Variants in TAF8 observed in about 807,000 individuals in gnomAD.
TAF8 encodes the protein transcription initiation factor TFIID subunit 8.
A neutral mutation model predicts 36.5 loss-of-function variants in TAF8; 47 were observed. The ratio of observed to expected loss-of-function variants is 1.29; its 90% CI spans 1.02 to 1.64. TAF8 has a LOEUF of 1.64. TAF8 is among the 40% of genes most tolerant of loss of function. The pLI is 0.00. For missense variants in TAF8, 420 were observed against 407.6 expected, an observed-to-expected ratio of 1.03 and a Z score of -0.26; for synonymous variants, 175 against 159.5, an observed-to-expected ratio of 1.10 and a Z score of -0.73.
chr6:42,055,640 C>T lies in TAF8; in HGVS notation c.301+11C>T, dbSNP rs764212277. On this transcript the variant is annotated intron_variant, in intron 3 of 8. Transcript: ENST00000372977. ...CACTTGTTGAGATGGGTGAGTATAC[C>T]TTCAGTTTCCAGTTCTTCGATGCAA... 1.2e-6 allele frequency: 2 copies of T among 1,603,702 alleles called. No individual in the cohort carries two copies. The highest frequency in any genetic ancestry group is 4.5e-5 in the East Asian group (2 of 44,850).
rs760496842 is a variant in TAF8, at chr6:42,077,567, G to A, written c.*22G>A. 1.9e-6 allele frequency: 3 copies of A among 1,612,044 alleles called. No individual in the cohort carries two copies. Among genetic ancestry groups the A allele is most frequent in the South Asian group, 1.1e-5 (1 of 90,444 alleles). On this transcript the variant is annotated 3_prime_UTR_variant, in exon 9 of 9. Coordinates refer to ENST00000372977, the MANE Select transcript of TAF8 (RefSeq NM_138572.3). The stretch of plus-strand genomic sequence containing the variant: ...CTGAGCTGAGAAGGAAACCTGGCTT[G>A]TACAGGGGCGCAGATTCCACCCTCC...
intron 5 of TAF8, chr6:42,057,905 C>G: frequency 4.5e-6 from 1 of 223,614 alleles, no homozygotes; most frequent in Non-Finnish European, 8.7e-6. Flanking sequence ...TATTGCCTGT[C>G]CTACTAAAAC....
chr6:42,051,792 C>G, intron 2 of TAF8: 1 of 213,338 alleles, frequency 4.7e-6, no homozygotes, highest in African/African-American at 2.3e-5. Flanking sequence ...GAAACCCCGT[C>G]TCTACTAAAA....
At chr6:42,058,612 C>T (rs1324604649) in intron 5 of TAF8, among the ~76,000 whole-genome samples, 1 of 152,132 alleles carries the variant, frequency 6.6e-6, no homozygotes, top group Non-Finnish European at 1.5e-5. Flanking sequence ...TTTTTCCATA[C>T]CTTAGGGTGG....
At chr6:42,058,660 AGCCCTT>A (rs1222930809) in intron 5 of TAF8, among the ~76,000 whole-genome samples, 1 of 152,180 alleles carries the variant, frequency 6.6e-6, no homozygotes, top group Non-Finnish European at 1.5e-5. Context: ...AATGCAACAT[AGCCCTT>A]GCCCTTGCCC....
rs771108534 is a variant in TAF8, at chr6:42,079,139, ATAAAG to A, written c.*1599_*1603del. On this transcript the variant is annotated 3_prime_UTR_variant, in exon 9 of 9. Transcript: ENST00000372977. ...TCCATTTCAAAAAAATAAAAAAAGG[ATAAAG>A]TAAACAATAGGAAAGGATTTGGTGG... 63 of 982,028 alleles carry A rather than the reference ATAAAG, an allele frequency of 6.4e-5. No homozygotes were observed. The highest frequency in any genetic ancestry group is 7.1e-5 in the Non-Finnish European group (59 of 826,998). The allele number at this position is 982,028 out of a possible 1,614,324, so 60.8% of individuals were successfully genotyped here. A position where few individuals can be genotyped will look rare whatever the true frequency, so the allele number is the denominator to read the frequency against.
Position 42,057,418 on chromosome 6 carries a change from A to G in TAF8, c.394A>G (p.Lys132Glu). ...GGTGACCAATCAGCCAGTGACCCCCAAGGCCCTCACTGCAGGGCAGAACCG... is the reference window on the plus strand; with the variant it reads ...GGTGACCAATCAGCCAGTGACCCCCGAGGCCCTCACTGCAGGGCAGAACCG... Reference protein sequence around the residue: ...PPVTNQPVTPKALTAGQNRPH... With the variant: ...PPVTNQPVTPEALTAGQNRPH... The change falls in exon 5 of 9, where the codon AAG (lysine) becomes GAG (glutamate). Residue 132 changes from lysine (K) to glutamate (E), a missense_variant. By Grantham distance (56) the Lys-to-Glu change is moderately conservative. Transcript: ENST00000372977. The G allele has an allele frequency of 1.2e-6, 2 of 1,614,050 alleles. No homozygotes were observed. The highest frequency in any genetic ancestry group is 1.7e-6 in the Non-Finnish European group (2 of 1,180,010).
chr6:42,074,767 C>T (rs1765688861), intron 7 of TAF8, among the ~76,000 whole-genome samples: 1 of 151,954 alleles, frequency 6.6e-6, no homozygotes. Context: ...GAACTCTTCA[C>T]CTCAGGTGAT....
chr6:42,077,124 A>G lies in TAF8; in HGVS notation c.805A>G (p.Asn269Asp). 6.2e-7 allele frequency: 1 copy of G among 1,613,378 alleles called. No homozygotes were observed. ...GGAGGATTCTGGAGCCGAGAAGGAG[A>G]ACACCTCTGTCCTGCAGCAGAACCC... Reference protein sequence around the residue: ...SMEDSGAEKENTSVLQQNPSL... With the variant: ...SMEDSGAEKEDTSVLQQNPSL... The change falls in exon 8 of 9, where the codon AAC becomes GAC. Residue 269 changes from asparagine (N) to aspartate (D), a missense_variant. By Grantham distance (23) the Asn-to-Asp change is conservative. Transcript: ENST00000372977.
At chr6:42,065,770 A>G (rs1047382627) in intron 5 of TAF8, among the ~76,000 whole-genome samples, 2 of 152,206 alleles carry the variant, frequency 1.3e-5, no homozygotes, top group Admixed American at 6.5e-5. Context: ...TCTACAGTAA[A>G]TATTTGTACA....
chr6:42,077,194 AC>A lies in TAF8; in HGVS notation c.878del (p.Pro293LeufsTer6). ...AATGGGGAGGAGAACATCATCGATA[AC>A]CCTTATCTGCGGCCGGTGAAGAAGC... is the stretch of plus-strand genomic sequence containing the variant. ...SRNGEENIID[N>X]PYLRPVKKPK... On this transcript the variant is annotated frameshift_variant, in exon 8 of 9. Coordinates refer to ENST00000372977, the MANE Select transcript of TAF8 (RefSeq NM_138572.3). LOFTEE classifies it high-confidence loss of function. 6.2e-7 allele frequency: 1 copy of A among 1,614,142 alleles called. No individual in the cohort carries two copies. The highest frequency in any genetic ancestry group is 1.1e-5 in the South Asian group (1 of 91,076).
chr6:42,067,022 A>G (rs186061221), intron 6 of TAF8, among the ~76,000 whole-genome samples: 91 of 152,236 alleles, frequency 6.0e-4, no homozygotes, highest in Non-Finnish European at 1.0e-3. Flanking sequence ...CATTTCCCAT[A>G]CATTATCTCA....
rs186500757 is a variant in TAF8, at chr6:42,053,986, C to G, written c.203-1545C>G. Among the ~76,000 whole-genome samples the G allele has an allele frequency of 2.6e-5, 4 of 152,278 alleles. No individual in the cohort carries two copies. The East Asian group carries it at 5.8e-4, about 22-fold the overall frequency. On this transcript the variant is annotated intron_variant, in intron 2 of 8. Transcript: ENST00000372977. The stretch of plus-strand genomic sequence containing the variant: ...TCTCTTGTTAGACACCCTTCCCTGT[C>G]AAGTACCACTTGCTTTTATCTTCTG...
At chr6:42,077,055 C>T in intron 7 of TAF8, 45 bp from the exon 8 acceptor site, 1 of 1,581,440 alleles carries the variant, frequency 6.3e-7, no homozygotes, top group Non-Finnish European at 8.6e-7. Context: ...TGATCTCTTT[C>T]CTTATGCTGT....
downstream of TAF8, among the ~76,000 whole-genome samples, chr6:42,085,303 G>T (rs1202329065): frequency 2.0e-5 from 3 of 152,182 alleles, no homozygotes; most frequent in African/African-American, 7.2e-5. Context: ...GAGAAATTGA[G>T]ACTATTTCCA....
Position 42,080,825 on chromosome 6 carries a change from G to A in TAF8, c.*3280G>A. The A allele has an allele frequency of 1.0e-6, 1 of 979,062 alleles. No homozygotes were observed. The highest frequency in any genetic ancestry group is 1.8e-5 in the African/African-American group (1 of 57,126). 60.6% of individuals were successfully genotyped at this position (979,062 alleles called of 1,614,324 possible). Reference sequence around the variant, plus strand: ...TATAACTTTATGGGACTTCTTAGAGGCCAAAAGTAGTAAACATGCAGATTA... The same window carrying A: ...TATAACTTTATGGGACTTCTTAGAGACCAAAAGTAGTAAACATGCAGATTA... On this transcript the variant is annotated 3_prime_UTR_variant, in exon 9 of 9. Coordinates refer to ENST00000372977, the MANE Select transcript of TAF8 (RefSeq NM_138572.3).
chr6:42,074,374 A>G (rs141973683), intron 7 of TAF8, among the ~76,000 whole-genome samples: 174 of 152,264 alleles, frequency 1.1e-3, no homozygotes, highest in African/African-American at 4.0e-3. Context: ...ATTGTACTCC[A>G]GGGAGCTGTT....
chr6:42,075,419 C>T (rs576565391), intron 7 of TAF8, among the ~76,000 whole-genome samples: 1 of 152,310 alleles, frequency 6.6e-6, no homozygotes, highest in Admixed American at 6.5e-5. Context: ...TTGAAGAGAA[C>T]AATTGATAGG....
chr6:42,061,712 A>G (rs1296918965), intron 5 of TAF8, among the ~76,000 whole-genome samples: 1 of 152,244 alleles, frequency 6.6e-6, no homozygotes, highest in Non-Finnish European at 1.5e-5. Context: ...AAAGAAAGCC[A>G]AACACCATTT....
Sources: allele counts gnomAD v4.1 joint callset (sites outside exome capture counted in the v4.1 genomes callset), GRCh38; gene constraint gnomAD v4.1.1; transcripts MANE v1.5; gene names NCBI Gene and HGNC (gene_info 2026-07-23, HGNC 2026-07-21).